ROCK1: variants seen among roughly 807,000 people sequenced by gnomAD.
The protein encoded by ROCK1 is Rho associated coiled-coil containing protein kinase 1.
In ROCK1, 36 loss-of-function variants were observed where a neutral mutation model predicts 196.8. The observed-to-expected ratio is 0.18, with a 90% CI of 0.14 to 0.24. ROCK1 has a LOEUF of 0.24. ROCK1 is among the 10% of genes least tolerant of loss of function. The probability of loss-of-function intolerance (pLI) is 1.00; values close to 1 mark genes in which losing one functional copy is unlikely to be tolerated. For missense variants in ROCK1, 920 were observed against 1,562.0 expected (o/e 0.59, Z 6.93); for synonymous variants, 443 against 515.9 (o/e 0.86, Z 1.91).
intron 2 of ROCK1, among the ~76,000 whole-genome samples, chr18:21,052,305 G>T (rs2036210351): frequency 6.6e-6 from 1 of 152,066 alleles, no homozygotes; most frequent in African/African-American, 2.4e-5. Flanking sequence ...AACTAATAAA[G>T]AACTTAATGG....
At position 20,951,206 on chromosome 18, in the gene ROCK1, C is replaced by T. The variant is rs1382895887; in HGVS notation, c.*178G>A. 4.2e-6 allele frequency: 2 copies of T among 473,054 alleles called. No homozygotes were observed. Among genetic ancestry groups the T allele is most frequent in the African/African-American group, 2.0e-5 (1 of 50,614 alleles). The allele number at this position is 473,054 out of a possible 1,614,324, so 29.3% of individuals were successfully genotyped here. On this transcript the variant is annotated 3_prime_UTR_variant, in exon 33 of 33. Coordinates refer to ENST00000399799, the MANE Select transcript of ROCK1 (RefSeq NM_005406.3). ...AATCTAATCTACCTGTAGGCAAACC[C>T]GCAATAAAAAAAACCCTCAGTGTGT... is the stretch of plus-strand genomic sequence containing the variant.
At chr18:21,016,807 T>C (rs1047819422) in intron 12 of ROCK1, among the ~76,000 whole-genome samples, 2 of 152,148 alleles carry the variant, frequency 1.3e-5, no homozygotes, top group Non-Finnish European at 2.9e-5. Flanking sequence ...AAATTTAATA[T>C]ATATTTTTTA....
chr18:21,085,800 G>A (rs2036521691), intron 1 of ROCK1, among the ~76,000 whole-genome samples: 1 of 152,156 alleles, frequency 6.6e-6, no homozygotes, highest in African/African-American at 2.4e-5. Context: ...TGTAAAACAA[G>A]ATAGTATCAG....
intron 2 of ROCK1, among the ~76,000 whole-genome samples, chr18:21,065,271 C>G (rs2036324317): frequency 6.6e-6 from 1 of 152,138 alleles, no homozygotes; most frequent in South Asian, 2.1e-4. Flanking sequence ...ACCAACTGTA[C>G]TGTATGCTTT....
intron 2 of ROCK1, among the ~76,000 whole-genome samples, chr18:21,066,334 A>G (rs949348987): frequency 6.6e-6 from 1 of 152,210 alleles, no homozygotes; most frequent in Middle Eastern, 3.2e-3. Flanking sequence ...CATGGTAGCC[A>G]CATACATTGT....
intron 12 of ROCK1, among the ~76,000 whole-genome samples, chr18:21,016,868 A>C (rs1157306109): frequency 6.6e-6 from 1 of 151,810 alleles, no homozygotes; most frequent in Non-Finnish European, 1.5e-5. Context: ...TAAATTCCAA[A>C]TTTCTTAGCC....
intron 16 of ROCK1, among the ~76,000 whole-genome samples, chr18:20,993,897 C>T (rs2035648159): frequency 6.6e-6 from 1 of 151,920 alleles, no homozygotes; most frequent in Non-Finnish European, 1.5e-5. Context: ...TCAAAGTGGC[C>T]TAGGATTTGA....
At chr18:20,956,448 G>C (rs2035243084) in intron 29 of ROCK1, among the ~76,000 whole-genome samples, 1 of 152,124 alleles carries the variant, frequency 6.6e-6, no homozygotes, top group Non-Finnish European at 1.5e-5. Flanking sequence ...TGAATATACA[G>C]ATGCAGAACC....
At position 20,969,210 on chromosome 18, in the gene ROCK1, TA is replaced by T; in HGVS notation, c.2821-3del. The T allele has an allele frequency of 6.3e-7, 1 of 1,586,750 alleles. No homozygotes were observed. ...TAGCATGCTGTTTGCTTCTTCAAGC[TA>T]AACAAAGCACACAAAAGTTTAAGCT... is the stretch of plus-strand genomic sequence containing the variant. On this transcript the variant is annotated splice_region_variant and splice_polypyrimidine_tract_variant and intron_variant, in intron 23 of 32. Coordinates refer to ENST00000399799, the MANE Select transcript of ROCK1 (RefSeq NM_005406.3).
Position 21,066,679 on chromosome 18 carries a change from C to A in ROCK1, c.175+3853G>T, listed in dbSNP as rs2036337651. 2.6e-5 allele frequency among the ~76,000 whole-genome samples: 4 copies of A among 152,342 alleles called. No individual in the cohort carries two copies. The South Asian group carries it at 8.3e-4, about 32-fold the overall frequency. On this transcript the variant is annotated intron_variant, in intron 2 of 32. Coordinates refer to ENST00000399799, the MANE Select transcript of ROCK1 (RefSeq NM_005406.3). Reference sequence around the variant, plus strand: ...TTCCAGCATGTCCTACAAATGGAATCATGCAGTATGTAGCCTTTTTGTGTC... The same window carrying A: ...TTCCAGCATGTCCTACAAATGGAATAATGCAGTATGTAGCCTTTTTGTGTC...
chr18:21,085,246 G>C (rs1446781150), intron 1 of ROCK1, among the ~76,000 whole-genome samples: 1 of 145,540 alleles, frequency 6.9e-6, no homozygotes, highest in Non-Finnish European at 1.5e-5. Context: ...GGAGGCGGAT[G>C]CAGTGGCATG....
intron 2 of ROCK1, among the ~76,000 whole-genome samples, chr18:21,067,735 G>A (rs1365957334): frequency 2.6e-5 from 4 of 152,064 alleles, no homozygotes; most frequent in Non-Finnish European, 5.9e-5. Flanking sequence ...TTTTTATTTT[G>A]ATGATGTCCA....
intron 10 of ROCK1, among the ~76,000 whole-genome samples, chr18:21,024,539 G>C (rs866831131): frequency 1.3e-5 from 2 of 152,278 alleles, no homozygotes; most frequent in Middle Eastern, 3.4e-3. Context: ...AACCAGTAGA[G>C]CTATTGCAAA....
At chr18:21,088,670 G>T (rs1398340156) in intron 1 of ROCK1, among the ~76,000 whole-genome samples, 1 of 152,046 alleles carries the variant, frequency 6.6e-6, no homozygotes, top group Admixed American at 6.6e-5. Context: ...TAAGAGGTGG[G>T]GCCTTTGGGA....
At chr18:21,034,952 T>G (rs550442099) in intron 9 of ROCK1, among the ~76,000 whole-genome samples, 38 of 152,160 alleles carry the variant, frequency 2.5e-4, no homozygotes, top group African/African-American at 8.9e-4. Context: ...CCACCAAATT[T>G]TAAAATGGGC....
chr18:21,066,957 T>C (rs1244915261), intron 2 of ROCK1, among the ~76,000 whole-genome samples: 4 of 152,210 alleles, frequency 2.6e-5, no homozygotes, highest in African/African-American at 9.7e-5. Context: ...GCAGAATTCC[T>C]GGGGTCATAT....
intron 2 of ROCK1, among the ~76,000 whole-genome samples, chr18:21,052,946 G>C (rs2036216135): frequency 6.6e-6 from 1 of 152,088 alleles, no homozygotes; most frequent in African/African-American, 2.4e-5. Context: ...ATATTCTAAA[G>C]AAAATAAGAC....
chr18:20,993,268 A>T (rs2035642285), intron 16 of ROCK1, among the ~76,000 whole-genome samples: 1 of 152,196 alleles, frequency 6.6e-6, no homozygotes, highest in Non-Finnish European at 1.5e-5. Flanking sequence ...CAGTGGCACA[A>T]GCTCAGCTCA....
intron 17 of ROCK1, among the ~76,000 whole-genome samples, chr18:20,991,746 A>G (rs945909268): frequency 1.3e-5 from 2 of 151,526 alleles, no homozygotes; most frequent in African/African-American, 4.9e-5. Flanking sequence ...GCTATCCTCC[A>G]GCCTTAGCCT....
Sources: allele counts gnomAD v4.1 joint callset (sites outside exome capture counted in the v4.1 genomes callset), GRCh38; gene constraint gnomAD v4.1.1; transcripts MANE v1.5; gene names NCBI Gene and HGNC (gene_info 2026-07-23, HGNC 2026-07-21).